The following DRC10 variants were observed in gnomAD, a reference collection of about 807,000 sequenced individuals.
The protein encoded by DRC10 is IQ domain-containing protein D.
At chr12:113,200,054 AATG>A in the DRC10 span, 30 of 256,102 alleles carry the variant, frequency 1.2e-4, 1 homozygote, top group Admixed American at 4.7e-4. Flanking sequence ...CCCGGTCAGA[AATG>A]ATATTTATTG....
the DRC10 span, among the ~76,000 whole-genome samples, chr12:113,209,506 C>A: frequency 6.6e-6 from 1 of 152,204 alleles, no homozygotes; most frequent in South Asian, 2.1e-4. Context: ...ATCCTCCTGT[C>A]TCAGCCTCTC....
the DRC10 span, chr12:113,200,312 C>T: frequency 8.0e-6 from 5 of 621,916 alleles, no homozygotes; most frequent in East Asian, 1.3e-4. Flanking sequence ...GGTCACAAAG[C>T]TGGCATGCAG....
the DRC10 span, among the ~76,000 whole-genome samples, chr12:113,216,785 G>C: frequency 3.5e-4 from 53 of 152,268 alleles, no homozygotes; most frequent in African/African-American, 1.3e-3. Flanking sequence ...AAACGAAACA[G>C]GGTTGGGTGC....
At chr12:113,198,281 C>T in the DRC10 span, among the ~76,000 whole-genome samples, 2 of 151,778 alleles carry the variant, frequency 1.3e-5, no homozygotes, top group Non-Finnish European at 2.9e-5. Flanking sequence ...AAGGGAGTGG[C>T]GAGGAGGAAA....
At chr12:113,213,120 A>G in the DRC10 span, among the ~76,000 whole-genome samples, 4 of 151,088 alleles carry the variant, frequency 2.6e-5, no homozygotes, top group South Asian at 6.3e-4. Context: ...AAAAAACCCA[A>G]CACTTAACAA....
chr12:113,216,540 C>T, the DRC10 span, among the ~76,000 whole-genome samples: 1 of 152,286 alleles, frequency 6.6e-6, no homozygotes, highest in Admixed American at 6.5e-5. Flanking sequence ...AATTTGGATG[C>T]TGCTGCTGAT....
the DRC10 span, chr12:113,207,311 G>A: frequency 1.2e-6 from 1 of 816,568 alleles, no homozygotes; most frequent in Non-Finnish European, 2.1e-6. Context: ...TTACACCACT[G>A]CACTCTAGTC....
chr12:113,200,527 C>CAA, the DRC10 span: 58 of 926,242 alleles, frequency 6.3e-5, no homozygotes, highest in Non-Finnish European at 7.0e-5. Flanking sequence ...CAGTCCCACC[C>CAA]ATCCCCCCCA....
the DRC10 span, among the ~76,000 whole-genome samples, chr12:113,209,532 T>C: frequency 0.22 from 33,005 of 152,060 alleles, 3,920 homozygotes; most frequent in African/African-American, 0.32. Context: ...GCTAGGACTA[T>C]AGGTGCTCGA....
At chr12:113,198,995 T>C in the DRC10 span, among the ~76,000 whole-genome samples, 6 of 152,088 alleles carry the variant, frequency 3.9e-5, no homozygotes, top group Non-Finnish European at 8.8e-5. Context: ...TGGAGTGCAG[T>C]GGTGTGATCT....
At chr12:113,202,006 G>A in the DRC10 span, among the ~76,000 whole-genome samples, 3 of 152,202 alleles carry the variant, frequency 2.0e-5, no homozygotes, top group Non-Finnish European at 2.9e-5. Flanking sequence ...TTGAGCCCAG[G>A]TCAGTCCAAG....
the DRC10 span, among the ~76,000 whole-genome samples, chr12:113,211,469 G>A: frequency 6.6e-6 from 1 of 152,048 alleles, no homozygotes; most frequent in Non-Finnish European, 1.5e-5. Flanking sequence ...AAGGCAGAAT[G>A]TATTCAATAT....
At chr12:113,207,805 G>T in the DRC10 span, 4 of 1,614,034 alleles carry the variant, frequency 2.5e-6, no homozygotes, top group Non-Finnish European at 3.4e-6. Flanking sequence ...TTCCTCCTCA[G>T]CCTCTTTCTG....
the DRC10 span, among the ~76,000 whole-genome samples, chr12:113,216,030 A>G: frequency 6.6e-6 from 1 of 152,216 alleles, no homozygotes; most frequent in Non-Finnish European, 1.5e-5. Context: ...AAAGGAGTTG[A>G]AAACTCATGT....
At chr12:113,208,313 A>G in the DRC10 span, 14 of 1,433,260 alleles carry the variant, frequency 9.8e-6, no homozygotes, top group African/African-American at 1.4e-5. Context: ...CTGTGTGGTT[A>G]GTGTGGCTGC....
At chr12:113,217,660 T>C in the DRC10 span, among the ~76,000 whole-genome samples, 2 of 152,170 alleles carry the variant, frequency 1.3e-5, no homozygotes, top group African/African-American at 4.8e-5. Context: ...GCCTCCCAAG[T>C]AGCTGGGATT....
chr12:113,208,084 T>C, the DRC10 span: 1 of 1,614,250 alleles, frequency 6.2e-7, no homozygotes, highest in Non-Finnish European at 8.5e-7. Context: ...AGCTGGCCTT[T>C]TAGATGGGTC....
the DRC10 span, among the ~76,000 whole-genome samples, chr12:113,218,028 T>C: frequency 6.6e-6 from 1 of 152,160 alleles, no homozygotes; most frequent in Non-Finnish European, 1.5e-5. Flanking sequence ...ATCTTGTAGG[T>C]AGAGGCTCGT....
At chr12:113,203,695 C>T in the DRC10 span, among the ~76,000 whole-genome samples, 4 of 151,534 alleles carry the variant, frequency 2.6e-5, no homozygotes, top group African/African-American at 7.3e-5. Flanking sequence ...AGGCTGGTCT[C>T]GAACTCCTGA....
Sources: gnomAD v4.1 joint callset for allele counts (sites outside exome capture counted in the v4.1 genomes callset) on GRCh38, gnomAD v4.1.1 for gene constraint, MANE v1.5 for transcripts, NCBI Gene and HGNC (gene_info 2026-07-23, HGNC 2026-07-21) for gene names.